DOCK10: variants seen among roughly 807,000 people sequenced by gnomAD.
DOCK10 encodes dedicator of cytokinesis protein 10.
In DOCK10, 145 loss-of-function variants were observed where a neutral mutation model predicts 280.1. The observed-to-expected ratio is 0.52, with a 90% CI of 0.45 to 0.59. The LOEUF (loss-of-function observed/expected upper bound fraction) is 0.59, where lower values mean the gene tolerates loss of function less well. Among genes scored for constraint, DOCK10 ranks in the 20% least tolerant of loss-of-function variants. The pLI, the probability that DOCK10 is intolerant of heterozygous loss-of-function variation, is 0.00. For missense variants in DOCK10, 2,368 were observed against 2,651.7 expected, an observed-to-expected ratio of 0.89 and a Z score of 2.35; for synonymous variants, 915 against 942.2, an observed-to-expected ratio of 0.97 and a Z score of 0.53.
Position 224,903,432 on chromosome 2 carries a change from T to C in DOCK10, c.334-7055A>G, listed in dbSNP as rs140504070. Among the ~76,000 whole-genome samples, 55 of 152,372 alleles carry C rather than the reference T, an allele frequency of 3.6e-4. No homozygotes were observed. The South Asian group carries it at 3.9e-3, about 11-fold the overall frequency. ...CAGTAGCCTAAATTTTCATTCAGTA[T>C]TTTATTCATGGTAAATTGAAAGTGA... On this transcript the variant is annotated intron_variant, in intron 3 of 55. Coordinates refer to ENST00000258390, the MANE Select transcript of DOCK10 (RefSeq NM_014689.3).
At chr2:224,817,491 G>A (rs551235904) in intron 29 of DOCK10, among the ~76,000 whole-genome samples, 1 of 152,228 alleles carries the variant, frequency 6.6e-6, no homozygotes, top group East Asian at 1.9e-4. Context: ...ATTATATCTT[G>A]TGGCAACTTT....
intron 2 of DOCK10, among the ~76,000 whole-genome samples, chr2:224,930,482 G>C (rs899333231): frequency 6.6e-6 from 1 of 151,706 alleles, no homozygotes; most frequent in Non-Finnish European, 1.5e-5. Context: ...TTACAAATCT[G>C]TCTCCTTTTT....
intron 1 of DOCK10, among the ~76,000 whole-genome samples, chr2:224,988,480 C>G (rs967772874): frequency 6.6e-6 from 1 of 152,178 alleles, no homozygotes; most frequent in Non-Finnish European, 1.5e-5. Context: ...TGTACACCTC[C>G]CTCTATGAGG....
intron 14 of DOCK10, among the ~76,000 whole-genome samples, chr2:224,859,453 T>C (rs1697359331): frequency 6.6e-6 from 1 of 152,188 alleles, no homozygotes; most frequent in Non-Finnish European, 1.5e-5. Context: ...TAAAATACCC[T>C]GTGTAGTCAT....
rs955113183 is a variant in DOCK10 at position 224,937,457 on chromosome 2, A to T, written c.124-5789T>A. On this transcript the variant is annotated intron_variant, in intron 1 of 55. Transcript: ENST00000258390. ...CAATCAGCTAATCAAACCAACTACAATGAATTCTTCATGTACCAGGAACTG... is the reference window on the plus strand; with the variant it reads ...CAATCAGCTAATCAAACCAACTACATTGAATTCTTCATGTACCAGGAACTG... Among the ~76,000 whole-genome samples, 14 of 152,206 alleles carry T rather than the reference A, an allele frequency of 9.2e-5. 1 individual carries two copies. Among genetic ancestry groups the T allele is most frequent in the Non-Finnish European group, 1.6e-4 (11 of 68,026 alleles).
At chr2:224,914,130 C>T (rs1701188458) in intron 3 of DOCK10, among the ~76,000 whole-genome samples, 1 of 151,946 alleles carries the variant, frequency 6.6e-6, no homozygotes, top group Non-Finnish European at 1.5e-5. Context: ...TATTTTCTTC[C>T]AAAATGGATA....
intron 2 of DOCK10, among the ~76,000 whole-genome samples, chr2:224,920,274 A>T (rs937296161): frequency 1.4e-5 from 2 of 141,424 alleles, no homozygotes; most frequent in East Asian, 4.1e-4. Flanking sequence ...GGGTCTCACC[A>T]TGTTGTCCAG....
chr2:225,000,203 C>G (rs1330986030), intron 1 of DOCK10, among the ~76,000 whole-genome samples: 1 of 123,546 alleles, frequency 8.1e-6, no homozygotes, highest in Non-Finnish European at 1.7e-5. Context: ...CACACACACA[C>G]AGACACACAC....
At chr2:224,868,898 C>T (rs921434286) in intron 11 of DOCK10, among the ~76,000 whole-genome samples, 1 of 152,030 alleles carries the variant, frequency 6.6e-6, no homozygotes, top group Admixed American at 6.6e-5. Flanking sequence ...AAGCAAAACC[C>T]ATCTTTTTTC....
chr2:224,889,094 T>C lies in DOCK10; in HGVS notation c.417-2563A>G, dbSNP rs555915903. Reference sequence around the variant, plus strand: ...TAAAACGGTATTTGTTTTAAGATTATTTATATTGTGTAAAAGCAACCTCTG... The same window carrying C: ...TAAAACGGTATTTGTTTTAAGATTACTTATATTGTGTAAAAGCAACCTCTG... On this transcript the variant is annotated intron_variant, in intron 4 of 55. Transcript: ENST00000258390. 2.0e-5 allele frequency among the ~76,000 whole-genome samples: 3 copies of C among 152,344 alleles called. No individual in the cohort carries two copies. The East Asian group carries it at 5.8e-4, about 29-fold the overall frequency.
In DOCK10 at chr2:224,814,323, A is replaced by T. The variant is rs1693980867; in HGVS notation, c.3406T>A (p.Ser1136Thr). Residue 1136 changes from serine to threonine, a missense_variant, in exon 31 of 56, where the codon TCA becomes ACA. Ser to Thr is a moderately conservative substitution (Grantham distance 58). Transcript: ENST00000258390. The part of the protein sequence containing the change: ...PSESTQELHA[S>T]DMPEYSVTNE... ...TAGGTAAGGTAATATCACTTACCTGATGCATGTAACTCTTGAGTCGATTCT... is the reference window on the plus strand; with the variant it reads ...TAGGTAAGGTAATATCACTTACCTGTTGCATGTAACTCTTGAGTCGATTCT... 1 of 1,530,644 alleles carries T rather than the reference A, an allele frequency of 6.5e-7. No individual in the cohort carries two copies. Among genetic ancestry groups the T allele is most frequent in the Non-Finnish European group, 8.8e-7 (1 of 1,138,200 alleles). The allele number at this position is 1,530,644 out of a possible 1,614,324, so 94.8% of individuals were successfully genotyped here. A position where few individuals can be genotyped will look rare whatever the true frequency, so the allele number is the denominator to read the frequency against.
chr2:224,822,347 A>G (rs751380698), intron 28 of DOCK10, among the ~76,000 whole-genome samples: 4 of 152,204 alleles, frequency 2.6e-5, no homozygotes, highest in Admixed American at 6.5e-5. Context: ...AAATATAACT[A>G]ATTTCCATAC....
Position 225,017,858 on chromosome 2 carries a change from T to A in DOCK10, c.123+24394A>T, listed in dbSNP as rs75910377. Among the ~76,000 whole-genome samples the A allele has an allele frequency of 1.1e-3, 173 of 152,344 alleles. 1 individual carries two copies. The highest frequency in any genetic ancestry group is 1.8e-3 in the Non-Finnish European group (124 of 68,024). The stretch of plus-strand genomic sequence containing the variant: ...ACAAAACCTTGTGTTGACTGAGTTA[T>A]CCAAGTAATCCTGGTCTGGGCTATA... On this transcript the variant is annotated intron_variant, in intron 1 of 55. Transcript: ENST00000258390.
Position 224,805,076 on chromosome 2 carries a change from T to C in DOCK10, c.4100A>G (p.Asp1367Gly). 1.2e-6 allele frequency: 2 copies of C among 1,610,098 alleles called. No homozygotes were observed. The highest frequency in any genetic ancestry group is 1.7e-6 in the Non-Finnish European group (2 of 1,178,254). The change falls in exon 37 of 56, where the codon GAC becomes GGC. Residue 1367 changes from aspartate (D) to glycine (G), a missense_variant. Asp to Gly is a moderately conservative substitution (Grantham distance 94, BLOSUM62 -1). Coordinates refer to ENST00000258390, the MANE Select transcript of DOCK10 (RefSeq NM_014689.3). This position sits in a 1 kb window ranked among gnomAD's most constrained non-coding sequence, Gnocchi z 4.3. Reference protein sequence around the residue: ...WQRAPSPEVSDFFSILDVCLQ... With the variant: ...WQRAPSPEVSGFFSILDVCLQ... ...AACTTACTCCAAGATGCTGAAGAAG[T>C]CGGACACCTCTGGGCTGGGAGCTCT...
chr2:224,794,134 T>A (rs1692393092), intron 45 of DOCK10, among the ~76,000 whole-genome samples: 2 of 152,246 alleles, frequency 1.3e-5, no homozygotes, highest in Admixed American at 6.5e-5. Flanking sequence ...CTTCTCATTC[T>A]TGTCCTCACT....
chr2:225,041,958 C>T (rs1690441225), intron 1 of DOCK10, among the ~76,000 whole-genome samples: 1 of 152,222 alleles, frequency 6.6e-6, no homozygotes, highest in African/African-American at 2.4e-5. Context: ...GGCCCCCTCG[C>T]GCCCCATTAA....
At chr2:224,834,284 G>A in intron 25 of DOCK10, 21 bp from the exon 26 acceptor site, 1 of 1,341,618 alleles carries the variant, frequency 7.5e-7, no homozygotes, top group Admixed American at 1.7e-5. Context: ...TCCAAAAAGT[G>A]AATAAAGTTA....
At chr2:224,893,823 T>C (rs1699838197) in intron 4 of DOCK10, among the ~76,000 whole-genome samples, 1 of 152,170 alleles carries the variant, frequency 6.6e-6, no homozygotes, top group African/African-American at 2.4e-5. Flanking sequence ...CATAGGAGAA[T>C]TCTTCTAATC....
intron 1 of DOCK10, among the ~76,000 whole-genome samples, chr2:225,034,606 T>A (rs555460264): frequency 2.0e-5 from 3 of 152,320 alleles, no homozygotes; most frequent in Non-Finnish European, 1.5e-5. Context: ...CTGACTTTCC[T>A]TAAGCAACTA....
Sources: allele counts gnomAD v4.1 joint callset (sites outside exome capture counted in the v4.1 genomes callset), GRCh38; gene constraint gnomAD v4.1.1; non-coding constraint Gnocchi (gnomAD v3.1); transcripts MANE v1.5; gene names NCBI Gene and HGNC (gene_info 2026-07-23, HGNC 2026-07-21).